Variants in EPS8 observed in about 807,000 individuals in gnomAD.
EPS8 encodes the protein epidermal growth factor receptor kinase substrate 8.
In EPS8, 42 loss-of-function variants were observed where a neutral mutation model predicts 103.8. The observed-to-expected ratio is 0.40, with a 90% confidence interval of 0.32 to 0.52. The LOEUF (loss-of-function observed/expected upper bound fraction) is 0.52. Among genes scored for constraint, EPS8 ranks in the 20% least tolerant of loss-of-function variants. The pLI, the probability that EPS8 is intolerant of heterozygous loss-of-function variation, is 0.40. For missense variants in EPS8, 969 were observed against 1,005.1 expected, an observed-to-expected ratio of 0.96 and a Z score of 0.49; for synonymous variants, 344 against 344.6, an observed-to-expected ratio of 1.00 and a Z score of 0.02.
chr12:15,708,037 G>C (rs10505786), intron 1 of EPS8, among the ~76,000 whole-genome samples: 26,465 of 152,138 alleles, frequency 0.17, 2,868 homozygotes, highest in Admixed American at 0.34. Context: ...ACCCTGAGTA[G>C]CGTTGTTTCC....
chr12:15,630,191 A>C (rs187436833), intron 18 of EPS8, among the ~76,000 whole-genome samples: 8 of 116,410 alleles, frequency 6.9e-5, no homozygotes, highest in African/African-American at 1.7e-4. Flanking sequence ...CTGTCTCTCT[A>C]TCTCTCTCTC....
intron 1 of EPS8, among the ~76,000 whole-genome samples, chr12:15,708,626 C>T (rs536566830): frequency 5.9e-5 from 9 of 152,264 alleles, no homozygotes; most frequent in East Asian, 1.9e-4. Context: ...TTTCTGTGCA[C>T]GCCTACTATT....
rs1946789179 is a variant in EPS8 at position 15,738,616 on chromosome 12, T to C, written c.-22+50545A>G. On this transcript the variant is annotated intron_variant, in intron 1 of 20. Coordinates refer to ENST00000281172, the MANE Select transcript of EPS8 (RefSeq NM_004447.6). This position sits in a 1 kb window ranked among gnomAD's most constrained non-coding sequence, Gnocchi z 6.2. ...ACTCACTTTATGCCCTAGGGCATTC[T>C]GCATTATTATGCCCTAGGGCATTTT... 6.6e-6 allele frequency among the ~76,000 whole-genome samples: 1 copy of C among 152,208 alleles called. No homozygotes were observed. Among genetic ancestry groups the C allele is most frequent in the South Asian group, 2.1e-4 (1 of 4,824 alleles).
rs200527909 is a variant in EPS8 at position 15,624,315 on chromosome 12, G to A, written c.2137C>T (p.Arg713Trp). 16 of 1,613,288 alleles carry A rather than the reference G, an allele frequency of 9.9e-6. No homozygotes were observed. The highest frequency in any genetic ancestry group is 3.3e-5 in the South Asian group (3 of 90,970). Residue 713 changes from arginine to tryptophan, a missense_variant, in exon 19 of 21, where the codon CGG (arginine) becomes TGG (tryptophan). Transcript: ENST00000281172. ...SAAQKKFHVP[R>W]QNVPVINITY... Reference sequence around the variant, plus strand: ...ATATTGATAACTGGCACGTTCTGCCGTGGCACATGGAATTTCTTCTGAGCG... The same window carrying A: ...ATATTGATAACTGGCACGTTCTGCCATGGCACATGGAATTTCTTCTGAGCG...
At chr12:15,756,092 GTTGA>G (rs1181199652) in intron 1 of EPS8, among the ~76,000 whole-genome samples, 1 of 152,238 alleles carries the variant, frequency 6.6e-6, no homozygotes, top group East Asian at 1.9e-4. Flanking sequence ...TTACTAAACT[GTTGA>G]TTGATTTATT....
intron 1 of EPS8, among the ~76,000 whole-genome samples, chr12:15,707,568 AT>A (rs1946403464): frequency 6.6e-6 from 1 of 151,924 alleles, no homozygotes; most frequent in Admixed American, 6.6e-5. Context: ...AAAAAAAAAA[AT>A]CACATGCTAC....
chr12:15,679,986 C>T (rs887314519), intron 3 of EPS8, among the ~76,000 whole-genome samples: 2 of 152,102 alleles, frequency 1.3e-5, no homozygotes, highest in South Asian at 4.1e-4. Context: ...ATTTTTGGTC[C>T]TGTTCTGTAC....
Position 15,767,657 on chromosome 12 carries a change from T to C in EPS8, c.-22+21504A>G, listed in dbSNP as rs962654680. 3.3e-5 allele frequency among the ~76,000 whole-genome samples: 5 copies of C among 152,212 alleles called. No homozygotes were observed. Among genetic ancestry groups the C allele is most frequent in the Admixed American group, 2.0e-4 (3 of 15,288 alleles). On this transcript the variant is annotated intron_variant, in intron 1 of 20. Transcript: ENST00000281172. This position sits in a 1 kb window ranked among gnomAD's most constrained non-coding sequence, Gnocchi z 5.5. ...TATATTCACCCACCTCTCTCAACAC[T>C]AAATATTTGTTTCAAACTGAGATAT...
At chr12:15,686,969 C>CAATTT (rs1337823658) in intron 1 of EPS8, among the ~76,000 whole-genome samples, 1 of 151,904 alleles carries the variant, frequency 6.6e-6, no homozygotes, top group Non-Finnish European at 1.5e-5. Flanking sequence ...GTCTAGGTTT[C>CAATTT]AATTTAATTT....
chr12:15,642,942 G>A (rs1945257673), intron 15 of EPS8, among the ~76,000 whole-genome samples: 1 of 152,126 alleles, frequency 6.6e-6, no homozygotes, highest in African/African-American at 2.4e-5. Context: ...AAGCATGTAA[G>A]AACAGCTTAT....
intron 1 of EPS8, among the ~76,000 whole-genome samples, chr12:15,699,722 C>G (rs1946288274): frequency 6.6e-6 from 1 of 152,160 alleles, no homozygotes; most frequent in African/African-American, 2.4e-5. Context: ...TACATATAAA[C>G]CCTCATTCCC....
rs1440493778 is a variant in EPS8 at position 15,706,668 on chromosome 12, ATCTT to A, written c.-21-23700_-21-23697del. Among the ~76,000 whole-genome samples, 3 of 152,092 alleles carry A rather than the reference ATCTT, an allele frequency of 2.0e-5. No individual in the cohort carries two copies. The highest frequency in any genetic ancestry group is 4.4e-5 in the Non-Finnish European group (3 of 67,996). On this transcript the variant is annotated intron_variant, in intron 1 of 20. Coordinates refer to ENST00000281172, the MANE Select transcript of EPS8 (RefSeq NM_004447.6). The surrounding 1 kb of genome is among the most constrained non-coding windows in gnomAD (Gnocchi z 5.2). Reference sequence around the variant, plus strand: ...TTCTTTCAAAAACATCTTGAATCTCATCTTTCTTTTAGGTGAATATTACATTTTT... The same window carrying A: ...TTCTTTCAAAAACATCTTGAATCTCATCTTTTAGGTGAATATTACATTTTT...
At position 15,734,673 on chromosome 12, in the gene EPS8, GACAGAGCGAGACTCCGT is replaced by G. The variant is rs1022087555; in HGVS notation, c.-21-51718_-21-51702del. On this transcript the variant is annotated intron_variant, in intron 1 of 20. Transcript: ENST00000281172. This position sits in a 1 kb window ranked among gnomAD's most constrained non-coding sequence, Gnocchi z 4.1. Reference sequence around the variant, plus strand: ...CGCGCCACTGTACTCCAGCCTGGGCGACAGAGCGAGACTCCGTACAGAGCGAGACTCTGTCTCAAAAA... The same window carrying G: ...CGCGCCACTGTACTCCAGCCTGGGCGACAGAGCGAGACTCTGTCTCAAAAA... Among the ~76,000 whole-genome samples the G allele has an allele frequency of 2.0e-5, 3 of 151,938 alleles. No homozygotes were observed. Among genetic ancestry groups the G allele is most frequent in the South Asian group, 4.2e-4 (2 of 4,810 alleles).
At position 15,784,190 on chromosome 12, in the gene EPS8, T is replaced by A. The variant is rs1176963910; in HGVS notation, c.-22+4971A>T. On this transcript the variant is annotated intron_variant, in intron 1 of 20. Transcript: ENST00000281172. This position sits in a 1 kb window ranked among gnomAD's most constrained non-coding sequence, Gnocchi z 4.0. ...GACATCTGTTCTGACAAAGACACTGTTAGGAAAATAAAAAGACAAACCAAA... is the reference window on the plus strand; with the variant it reads ...GACATCTGTTCTGACAAAGACACTGATAGGAAAATAAAAAGACAAACCAAA... Among the ~76,000 whole-genome samples the A allele has an allele frequency of 2.0e-5, 3 of 152,108 alleles. No homozygotes were observed. Among genetic ancestry groups the A allele is most frequent in the Non-Finnish European group, 4.4e-5 (3 of 67,990 alleles).
Position 15,752,231 on chromosome 12 carries a change from A to C in EPS8, c.-22+36930T>G, listed in dbSNP as rs1349466083. Among the ~76,000 whole-genome samples, 2 of 152,122 alleles carry C rather than the reference A, an allele frequency of 1.3e-5. No homozygotes were observed. Among genetic ancestry groups the C allele is most frequent in the African/African-American group, 4.8e-5 (2 of 41,422 alleles). The stretch of plus-strand genomic sequence containing the variant: ...GGGAGGCCGAGGCAGGCGGATCACG[A>C]GGTCAGGAGATCGAGACCATCCTGG... On this transcript the variant is annotated intron_variant, in intron 1 of 20. Coordinates refer to ENST00000281172, the MANE Select transcript of EPS8 (RefSeq NM_004447.6). This position sits in a 1 kb window ranked among gnomAD's most constrained non-coding sequence, Gnocchi z 4.4.
chr12:15,732,920 G>A (rs533754456), intron 1 of EPS8, among the ~76,000 whole-genome samples: 232 of 152,202 alleles, frequency 1.5e-3, no homozygotes, highest in African/African-American at 5.2e-3. Flanking sequence ...AAAATATAAC[G>A]TTTTCTTGTA....
In EPS8 at chr12:15,728,910, T is replaced by TA. The variant is rs577752274; in HGVS notation, c.-21-45939dup. ...AAAATATTTGTAAATCCATCTTTTT[T>TA]AAAAACATTTCTTGTAAGGCACTGT... On this transcript the variant is annotated intron_variant, in intron 1 of 20. Transcript: ENST00000281172. This position sits in a 1 kb window ranked among gnomAD's most constrained non-coding sequence, Gnocchi z 4.5. Among the ~76,000 whole-genome samples, 1,218 of 152,326 alleles carry TA rather than the reference T, an allele frequency of 8.0e-3. 15 individuals are homozygous for TA. Among genetic ancestry groups the TA allele is most frequent in the African/African-American group, 0.027 (1,134 of 41,578 alleles).
chr12:15,725,086 C>T lies in EPS8; in HGVS notation c.-21-42114G>A, dbSNP rs1946638328. Reference sequence around the variant, plus strand: ...TATCTTGTTAGGAAAAAAAAAAATCCACTTTCTTTTTCAAGGTAAATGTCA... The same window carrying T: ...TATCTTGTTAGGAAAAAAAAAAATCTACTTTCTTTTTCAAGGTAAATGTCA... On this transcript the variant is annotated intron_variant, in intron 1 of 20. Transcript: ENST00000281172. The surrounding 1 kb of genome is among the most constrained non-coding windows in gnomAD (Gnocchi z 4.5). Among the ~76,000 whole-genome samples, 1 of 151,710 alleles carries T rather than the reference C, an allele frequency of 6.6e-6. No homozygotes were observed. Among genetic ancestry groups the T allele is most frequent in the African/African-American group, 2.4e-5 (1 of 41,274 alleles).
intron 3 of EPS8, among the ~76,000 whole-genome samples, chr12:15,677,481 G>A (rs182571330): frequency 1.1e-4 from 16 of 152,246 alleles, no homozygotes; most frequent in East Asian, 3.9e-4. Context: ...TGGTCAGTGC[G>A]TAAAAAACAG....
Sources: allele counts gnomAD v4.1 joint callset (sites outside exome capture counted in the v4.1 genomes callset), GRCh38; gene constraint gnomAD v4.1.1; non-coding constraint Gnocchi (gnomAD v3.1); transcripts MANE v1.5; gene names NCBI Gene and HGNC (gene_info 2026-07-23, HGNC 2026-07-21).